Variants in BOC observed in about 807,000 individuals in gnomAD.
BOC encodes BOC cell adhesion associated, oncogene regulated.
In BOC, 76 loss-of-function variants were observed where a neutral mutation model predicts 112.0. The observed-to-expected ratio is 0.68, with a 90% confidence interval of 0.56 to 0.82. The LOEUF (loss-of-function observed/expected upper bound fraction) is 0.82, where lower values mean the gene tolerates loss of function less well. Ranked by LOEUF, BOC falls within the 40% of genes least tolerant of loss-of-function variation. BOC has a pLI of 0.00. For missense variants in BOC, 1,309 were observed against 1,511.7 expected (o/e 0.87, Z 2.22); for synonymous variants, 580 against 599.8 (o/e 0.97, Z 0.48).
chr3:113,287,036 C>T lies in BOC; in HGVS notation c.*174C>T, dbSNP rs553895847. The T allele has an allele frequency of 2.5e-4, 196 of 798,010 alleles. 1 individual carries two copies. In the African/African-American group the frequency reaches 2.7e-3, roughly 11 times the overall value. The allele number at this position is 798,010 out of a possible 1,614,324, so 49.4% of individuals were successfully genotyped here. On this transcript the variant is annotated 3_prime_UTR_variant, in exon 20 of 20. Transcript: ENST00000682979. ...TAATTCTGGAGAGACATAAGGAGTC[C>T]TACCCGTTGAGGTTGGAGAGGGAAA...
Position 113,278,634 on chromosome 3 carries a change from T to A in BOC, c.1706-39T>A. 1 of 1,516,000 alleles carries A rather than the reference T, an allele frequency of 6.6e-7. No homozygotes were observed. Among genetic ancestry groups the A allele is most frequent in the Non-Finnish European group, 9.0e-7 (1 of 1,114,990 alleles). The allele number at this position is 1,516,000 out of a possible 1,614,324, so 93.9% of individuals were successfully genotyped here. A position where few individuals can be genotyped will look rare whatever the true frequency, so the allele number is the denominator to read the frequency against. Reference sequence around the variant, plus strand: ...CTCTGTGGGAGGGAGATCTCATGCCTGCTTCCTCCCTTGCTGACTACAACC... The same window carrying A: ...CTCTGTGGGAGGGAGATCTCATGCCAGCTTCCTCCCTTGCTGACTACAACC... On this transcript the variant is annotated intron_variant, in intron 10 of 19. Coordinates refer to ENST00000682979, the MANE Select transcript of BOC (RefSeq NM_001378074.1). This position sits in a 1 kb window ranked among gnomAD's most constrained non-coding sequence, Gnocchi z 4.2.
At chr3:113,261,752 A>C in intron 4 of BOC, 2 of 147,352 alleles carry the variant, frequency 1.4e-5, no homozygotes, top group Non-Finnish European at 1.5e-5. Context: ...TTCCTCTCCC[A>C]CTCCTCCCTT....
At chr3:113,269,150 G>A (rs1947838480) in intron 5 of BOC, among the ~76,000 whole-genome samples, 1 of 152,186 alleles carries the variant, frequency 6.6e-6, no homozygotes, top group South Asian at 2.1e-4. Context: ...CTTGGCAGGA[G>A]GTGGAGCTCT....
rs78586687 is a variant in BOC, at chr3:113,216,224, G to A, written c.-132G>A. The A allele has an allele frequency of 8.2e-3, 3,729 of 456,664 alleles. 111 individuals are homozygous for A. The highest frequency in any genetic ancestry group is 0.066 in the African/African-American group (3,321 of 50,160). 28.3% of individuals were successfully genotyped at this position (456,664 alleles called of 1,614,324 possible). A position where few individuals can be genotyped will look rare whatever the true frequency, so the allele number is the denominator to read the frequency against. ...CTTCCTGGAACCCATGACCCATGAA[G>A]TCTTGTCGACATTTATACCGTCTGA... On this transcript the variant is annotated 5_prime_UTR_variant, in exon 2 of 20. Coordinates refer to ENST00000682979, the MANE Select transcript of BOC (RefSeq NM_001378074.1).
intron 2 of BOC, among the ~76,000 whole-genome samples, chr3:113,241,878 G>T (rs561620114): frequency 2.0e-5 from 3 of 152,088 alleles, no homozygotes; most frequent in East Asian, 3.9e-4. Context: ...AAAGCAAGGA[G>T]GGGGGTGCCA....
intron 6 of BOC, 34 bp from the exon 7 acceptor site, chr3:113,272,376 A>G (rs762985102): frequency 6.2e-7 from 1 of 1,602,594 alleles, no homozygotes; most frequent in Non-Finnish European, 8.5e-7. Flanking sequence ...CCTGGTCCAC[A>G]CGCCTTCTGT....
chr3:113,224,576 G>A (rs1229371369), intron 2 of BOC, among the ~76,000 whole-genome samples: 1 of 151,866 alleles, frequency 6.6e-6, no homozygotes, highest in African/African-American at 2.4e-5. Context: ...GGGTGGGGGT[G>A]GGGGGTCACG....
intron 4 of BOC, among the ~76,000 whole-genome samples, chr3:113,257,227 A>G (rs1946324557): frequency 6.6e-6 from 1 of 152,206 alleles, no homozygotes; most frequent in South Asian, 2.1e-4. Context: ...TGCCAGGACA[A>G]TGGTTATTCC....
intron 2 of BOC, among the ~76,000 whole-genome samples, chr3:113,240,071 T>C (rs924409053): frequency 6.6e-6 from 1 of 152,166 alleles, no homozygotes; most frequent in African/African-American, 2.4e-5. Flanking sequence ...AACTGCATGA[T>C]ACTTAGGTTT....
intron 18 of BOC, 41 bp from the exon 19 acceptor site, chr3:113,285,331 C>A (rs1949576528): frequency 6.3e-7 from 1 of 1,598,212 alleles, no homozygotes; most frequent in Admixed American, 1.7e-5. Context: ...CAGGCCCACC[C>A]TGCCCAGCCC....
chr3:113,250,150 A>G (rs1177824377), intron 3 of BOC, among the ~76,000 whole-genome samples: 2 of 152,194 alleles, frequency 1.3e-5, no homozygotes, highest in Non-Finnish European at 2.9e-5. Context: ...ACTGCTTTTT[A>G]TTGTGCACTT....
chr3:113,267,591 A>G (rs1188146664), intron 4 of BOC, among the ~76,000 whole-genome samples: 2 of 152,150 alleles, frequency 1.3e-5, no homozygotes, highest in African/African-American at 4.8e-5. Flanking sequence ...CCCAGCCCCA[A>G]GGAAGGATCC....
chr3:113,265,497 G>A (rs1253442538), intron 4 of BOC, among the ~76,000 whole-genome samples: 2 of 152,112 alleles, frequency 1.3e-5, no homozygotes, highest in Non-Finnish European at 2.9e-5. Context: ...TTCACAGCTC[G>A]CTTTGTGGGG....
At chr3:113,283,298 T>G in intron 15 of BOC, 113 bp from the exon 16 acceptor site, 1 of 1,056,946 alleles carries the variant, frequency 9.5e-7, no homozygotes, top group Non-Finnish European at 1.4e-6. Context: ...CCCAATCTAG[T>G]GAGTCTGACC....
Position 113,251,056 on chromosome 3 carries a change from A to G in BOC, c.376+223A>G, listed in dbSNP as rs544760304. On this transcript the variant is annotated intron_variant, in intron 4 of 19. Coordinates refer to ENST00000682979, the MANE Select transcript of BOC (RefSeq NM_001378074.1). ...CCAAGTAGAGGCTGTATCTGGAGTG[A>G]GTGTCTACAGAGAGGGGAATTGGTC... 2.6e-5 allele frequency: 16 copies of G among 622,056 alleles called. No homozygotes were observed. The Admixed American group carries it at 4.3e-4, about 17-fold the overall frequency. 38.5% of individuals were successfully genotyped at this position (622,056 alleles called of 1,614,324 possible).
At chr3:113,212,710 G>C (rs562172559) in intron 1 of BOC, 1 of 152,500 alleles carries the variant, frequency 6.6e-6, no homozygotes, top group Non-Finnish European at 1.5e-5. Context: ...GTGTGTGTGA[G>C]AGAGAGAGTT....
intron 1 of BOC, among the ~76,000 whole-genome samples, chr3:113,213,213 G>A (rs543680783): frequency 2.0e-5 from 3 of 152,152 alleles, no homozygotes; most frequent in East Asian, 1.9e-4. Context: ...AAATGGGTTC[G>A]CCTAAGTTTT....
intron 15 of BOC, among the ~76,000 whole-genome samples, chr3:113,283,135 C>T (rs1041515195): frequency 4.6e-5 from 7 of 152,284 alleles, no homozygotes; most frequent in Admixed American, 2.0e-4. Flanking sequence ...CCGCTTCTGC[C>T]GGAAGGACCC....
At chr3:113,235,481 A>C (rs72942474) in intron 2 of BOC, among the ~76,000 whole-genome samples, 3 of 152,180 alleles carry the variant, frequency 2.0e-5, no homozygotes, top group Non-Finnish European at 2.9e-5. Context: ...TCTTGTCTCA[A>C]CTGACCTACT....
Sources: allele counts gnomAD v4.1 joint callset (sites outside exome capture counted in the v4.1 genomes callset), GRCh38; gene constraint gnomAD v4.1.1; non-coding constraint Gnocchi (gnomAD v3.1); transcripts MANE v1.5; gene names NCBI Gene and HGNC (gene_info 2026-07-23, HGNC 2026-07-21).